The following WNT5A variants were observed in gnomAD, a reference collection of about 807,000 sequenced individuals.
WNT5A encodes the protein protein Wnt-5a.
A neutral mutation model predicts 42.1 loss-of-function variants in WNT5A; 9 were observed. The observed-to-expected ratio is 0.21, with a 90% CI of 0.13 to 0.37. The LOEUF is 0.37. Ranked by LOEUF, WNT5A falls within the 10% of genes least tolerant of loss-of-function variation. The pLI is 1.00. For synonymous variants in WNT5A, 210 were observed against 210.0 expected, an observed-to-expected ratio of 1.00 and a Z score of 0.00; for missense variants, 426 against 534.0, an observed-to-expected ratio of 0.80 and a Z score of 1.99.
At chr3:55,475,234 G>C (rs1488397923) in intron 3 of WNT5A, among the ~76,000 whole-genome samples, 1 of 152,130 alleles carries the variant, frequency 6.6e-6, no homozygotes, top group East Asian at 1.9e-4. Context: ...TCAGAATATG[G>C]GTAGACTTCC....
chr3:55,481,455 T>TG (rs2051461378), intron 1 of WNT5A: 1 of 156,226 alleles, frequency 6.4e-6, no homozygotes. Context: ...GGGTGGAGGA[T>TG]GGGGGCAGGA....
chr3:55,494,448 C>G (rs1307256571), upstream of WNT5A, among the ~76,000 whole-genome samples: 1 of 152,138 alleles, frequency 6.6e-6, no homozygotes. Flanking sequence ...TATAAGAGCT[C>G]ATTAGAAAGC....
intron 1 of WNT5A, among the ~76,000 whole-genome samples, chr3:55,484,748 C>G (rs1054780823): frequency 6.6e-6 from 1 of 151,866 alleles, no homozygotes; most frequent in African/African-American, 2.4e-5. Flanking sequence ...CACACCTTCT[C>G]ACATAGGATG....
upstream of WNT5A, among the ~76,000 whole-genome samples, chr3:55,488,813 C>T (rs1395111404): frequency 1.3e-5 from 2 of 152,232 alleles, no homozygotes; most frequent in Non-Finnish European, 2.9e-5. Flanking sequence ...AGACCGCTCC[C>T]ACTGGGGCTC....
chr3:55,480,895 T>C lies in WNT5A; in HGVS notation c.30A>G (p.Pro10=). 1 of 1,576,364 alleles carries C rather than the reference T, an allele frequency of 6.3e-7. No individual in the cohort carries two copies. The highest frequency in any genetic ancestry group is 8.6e-7 in the Non-Finnish European group (1 of 1,161,892). MKKSIGILS[P]GVALGMAGSA... is the part of the protein sequence containing the mutation. Reference sequence around the variant, plus strand: ...TTCCAGCCATCCCCAAAGCAACTCCTGGGCTTAATATTCCAATGGACTTCT... The same window carrying C: ...TTCCAGCCATCCCCAAAGCAACTCCCGGGCTTAATATTCCAATGGACTTCT... Residue 10 remains proline, a synonymous_variant, in exon 2 of 5, where the codon CCA becomes CCG. Coordinates refer to ENST00000264634, the MANE Select transcript of WNT5A (RefSeq NM_003392.7).
At position 55,474,629 on chromosome 3, in the gene WNT5A, C is replaced by A; in HGVS notation, c.392G>T (p.Gly131Val). 7.1e-7 allele frequency: 1 copy of A among 1,417,914 alleles called. No individual in the cohort carries two copies. Among genetic ancestry groups the A allele is most frequent in the East Asian group, 2.7e-5 (1 of 37,508 alleles). The allele number at this position is 1,417,914 out of a possible 1,614,324, so 87.8% of individuals were successfully genotyped here. The change falls in exon 4 of 5, where the codon GGC (glycine) becomes GTC (valine). Residue 131 changes from glycine (G) to valine (V), a missense_variant and splice_region_variant. Transcript: ENST00000264634. ...GTATGTGAAGGCCGTCTCGCGGCTG[C>A]CTGTGGGTGAGGACAAGGGATCACT... is the stretch of plus-strand genomic sequence containing the variant. Reference protein sequence around the residue: ...TSVFGRVMQIGSRETAFTYAV... With the variant: ...TSVFGRVMQIVSRETAFTYAV...
chr3:55,474,051 T>TG (rs2106912357), intron 4 of WNT5A, among the ~76,000 whole-genome samples: 2 of 149,678 alleles, frequency 1.3e-5, no homozygotes, highest in South Asian at 4.3e-4. Flanking sequence ...TGGAGACAGA[T>TG]GGAGGAAAGA....
chr3:55,485,874 G>T (rs554291165), intron 1 of WNT5A, among the ~76,000 whole-genome samples: 9 of 152,010 alleles, frequency 5.9e-5, no homozygotes, highest in Non-Finnish European at 1.0e-4. Context: ...TTAACTTTTT[G>T]GGGGGAAGAG....
chr3:55,466,566 T>G lies in WNT5A; in HGVS notation c.*3526A>C, dbSNP rs1033152907. ...AGCTCACAGAACTCAACAGATAAACTGGATTAAAACTTAAAAGTCTTCTTT... is the reference window on the plus strand; with the variant it reads ...AGCTCACAGAACTCAACAGATAAACGGGATTAAAACTTAAAAGTCTTCTTT... On this transcript the variant is annotated 3_prime_UTR_variant, in exon 5 of 5. Coordinates refer to ENST00000264634, the MANE Select transcript of WNT5A (RefSeq NM_003392.7). 1.3e-5 allele frequency: 2 copies of G among 152,418 alleles called. No individual in the cohort carries two copies. Among genetic ancestry groups the G allele is most frequent in the African/African-American group, 2.4e-5 (1 of 41,458 alleles). The allele number at this position is 152,418 out of a possible 1,614,324, so 9.4% of individuals were successfully genotyped here.
upstream of WNT5A, among the ~76,000 whole-genome samples, chr3:55,491,296 T>C (rs1420198019): frequency 6.6e-6 from 1 of 152,136 alleles, no homozygotes. Flanking sequence ...GAGAAACCAA[T>C]GCCTCTCCAT....
At chr3:55,481,799 C>G (rs1441547026) in intron 1 of WNT5A, among the ~76,000 whole-genome samples, 1 of 152,108 alleles carries the variant, frequency 6.6e-6, no homozygotes, top group Non-Finnish European at 1.5e-5. Context: ...GGATGGAACC[C>G]TAGAGGAAAG....
chr3:55,495,009 A>C (rs1372564491), upstream of WNT5A, among the ~76,000 whole-genome samples: 4 of 152,224 alleles, frequency 2.6e-5, no homozygotes, highest in Non-Finnish European at 4.4e-5. Flanking sequence ...CAAGACTACC[A>C]CATAACATAA....
chr3:55,473,228 G>A (rs1166423391), intron 4 of WNT5A, among the ~76,000 whole-genome samples: 1 of 152,182 alleles, frequency 6.6e-6, no homozygotes, highest in Non-Finnish European at 1.5e-5. Flanking sequence ...TCAAATGAGT[G>A]TGGGGCCAGA....
At position 55,474,488 on chromosome 3, in the gene WNT5A, A is replaced by G. The variant is rs1272834770; in HGVS notation, c.533T>C (p.Leu178Pro). The change falls in exon 4 of 5, where the codon CTC becomes CCC. Residue 178 changes from leucine to proline, a missense_variant. By Grantham distance (98) the Leu-to-Pro change is moderately conservative (BLOSUM62 -3). Coordinates refer to ENST00000264634, the MANE Select transcript of WNT5A (RefSeq NM_003392.7). ...GATGTTGTCGCCGCAGCCGCCCCAGAGCCAGTCCCGCGGCAGGTCCTTGGG... is the reference window on the plus strand; with the variant it reads ...GATGTTGTCGCCGCAGCCGCCCCAGGGCCAGTCCCGCGGCAGGTCCTTGGG... The part of the protein sequence containing the change: ...ARPKDLPRDW[L>P]WGGCGDNIDY... The G allele has an allele frequency of 6.3e-7, 1 of 1,597,890 alleles. No homozygotes were observed. Among genetic ancestry groups the G allele is most frequent in the Non-Finnish European group, 8.5e-7 (1 of 1,173,762 alleles).
At chr3:55,477,444 C>G (rs1475197303) in intron 3 of WNT5A, among the ~76,000 whole-genome samples, 1 of 152,104 alleles carries the variant, frequency 6.6e-6, no homozygotes, top group Admixed American at 6.5e-5. Flanking sequence ...CATATGTGCT[C>G]TCATCTTCCC....
chr3:55,481,479 G>A (rs1051960921), intron 1 of WNT5A: 18 of 737,588 alleles, frequency 2.4e-5, no homozygotes, highest in Non-Finnish European at 3.0e-5. Flanking sequence ...GGGAGGGAAG[G>A]GCAGGGGGTG....
chr3:55,499,167 C>T, the WNT5A span, among the ~76,000 whole-genome samples: 8 of 152,156 alleles, frequency 5.3e-5, no homozygotes, highest in Non-Finnish European at 1.5e-5. Context: ...ATACCTGTTC[C>T]CTGCTGGGAT....
At chr3:55,503,699 C>T in the WNT5A span, among the ~76,000 whole-genome samples, 2 of 152,168 alleles carry the variant, frequency 1.3e-5, no homozygotes, top group African/African-American at 4.8e-5. Context: ...GCCTATAATC[C>T]CAGCACTTTG....
intron 1 of WNT5A, 124 bp downstream of exon 1, chr3:55,486,856 G>A (rs1246266361): frequency 5.1e-6 from 4 of 779,304 alleles, no homozygotes; most frequent in Non-Finnish European, 9.1e-6. Context: ...CGACGCTGGA[G>A]TTCCAGCTTC....
Sources: gnomAD v4.1 joint callset for allele counts (sites outside exome capture counted in the v4.1 genomes callset) on GRCh38, gnomAD v4.1.1 for gene constraint, MANE v1.5 for transcripts, NCBI Gene and HGNC (gene_info 2026-07-23, HGNC 2026-07-21) for gene names.